TSPEAR: variants seen among roughly 807,000 people sequenced by gnomAD.
TSPEAR encodes the protein thrombospondin type laminin G domain and EAR repeats, also known as thrombospondin-type laminin G domain and EAR repeat-containing protein.
In TSPEAR, 69 loss-of-function variants were observed where a neutral mutation model predicts 71.6. The ratio of observed to expected loss-of-function variants is 0.96; its 90% CI spans 0.79 to 1.18. The LOEUF (loss-of-function observed/expected upper bound fraction) is 1.18. Among genes scored for constraint, TSPEAR ranks in the 50% most tolerant of loss-of-function variants. The pLI, the probability that TSPEAR is intolerant of heterozygous loss-of-function variation, is 0.00. For missense variants in TSPEAR, 971 were observed against 894.9 expected (o/e 1.09, Z -1.09); for synonymous variants, 402 against 387.2 (o/e 1.04, Z -0.45).
rs1555933793 is a variant in TSPEAR, at chr21:44,623,109, A to G, written c.83-55104T>C. 1.3e-5 allele frequency among the ~76,000 whole-genome samples: 2 copies of G among 152,208 alleles called. No individual in the cohort carries two copies. The highest frequency in any genetic ancestry group is 1.5e-5 in the Non-Finnish European group (1 of 68,040). On this transcript the variant is annotated intron_variant, in intron 1 of 11. Coordinates refer to ENST00000323084, the MANE Select transcript of TSPEAR (RefSeq NM_144991.3). This position sits in a 1 kb window ranked among gnomAD's most constrained non-coding sequence, Gnocchi z 4.5. ...GCCATGTTTCCTGTACAACCTGCAG[A>G]ACCATGAGCCAACTAAACTTTCGTC...
intron 2 of TSPEAR, among the ~76,000 whole-genome samples, chr21:44,567,373 T>C (rs2053717082): frequency 6.6e-6 from 1 of 152,212 alleles, no homozygotes; most frequent in East Asian, 1.9e-4. Context: ...CAAACATTAC[T>C]GTCTTCACCT....
At chr21:44,637,793 T>C (rs1555937324) in intron 1 of TSPEAR, 6 of 1,361,814 alleles carry the variant, frequency 4.4e-6, no homozygotes, top group South Asian at 1.4e-5. Flanking sequence ...TTCCCCTTCA[T>C]GCTGCCAGCA....
chr21:44,646,124 C>CAAA (rs55672014), intron 1 of TSPEAR, among the ~76,000 whole-genome samples: 3,039 of 31,178 alleles, frequency 0.097, 652 homozygotes, highest in Middle Eastern at 0.11. Context: ...GACTCCCTCT[C>CAAA]AAAAAAAAAA....
intron 8 of TSPEAR, among the ~76,000 whole-genome samples, chr21:44,522,942 TGTCA>T (rs1195679766): frequency 1.1e-4 from 17 of 152,384 alleles, no homozygotes; most frequent in African/African-American, 3.1e-4. Flanking sequence ...CTGCTTAGTC[TGTCA>T]GTCAGTCATT....
At position 44,702,285 on chromosome 21, in the gene TSPEAR, C is replaced by G. The variant is rs957219406; in HGVS notation, c.82+9148G>C. On this transcript the variant is annotated intron_variant, in intron 1 of 11. Coordinates refer to ENST00000323084, the MANE Select transcript of TSPEAR (RefSeq NM_144991.3). ...GCCCGGAGAGCTGCTGCGAGCCCCCCTGCTGCGCCGCCAGCTGCTGTGCCC... is the reference window on the plus strand; with the variant it reads ...GCCCGGAGAGCTGCTGCGAGCCCCCGTGCTGCGCCGCCAGCTGCTGTGCCC... The G allele has an allele frequency of 2.6e-5, 42 of 1,609,206 alleles. No individual in the cohort carries two copies. In the Admixed American group the frequency reaches 6.2e-4, roughly 24 times the overall value.
intron 1 of TSPEAR, among the ~76,000 whole-genome samples, chr21:44,590,787 C>T (rs1041237006): frequency 1.3e-5 from 2 of 151,994 alleles, no homozygotes; most frequent in South Asian, 4.1e-4. Flanking sequence ...CTGCCAGGGT[C>T]CACTTTGTCC....
At chr21:44,569,738 G>A (rs1372879403) in intron 1 of TSPEAR, among the ~76,000 whole-genome samples, 3 of 152,032 alleles carry the variant, frequency 2.0e-5, no homozygotes, top group African/African-American at 7.3e-5. Context: ...CACGACATAG[G>A]GACAGCAACA....
chr21:44,509,296 G>GC lies in TSPEAR; in HGVS notation c.1656dup (p.Gln553AlafsTer5). On this transcript the variant is annotated frameshift_variant, in exon 10 of 12. Transcript: ENST00000323084. LOFTEE classifies it high-confidence loss of function. ...ATGACATAGGAATCATTCTGGACTT[G>GC]CATCTCCACATCGTAGCTGTGACTG... 6.2e-7 allele frequency: 1 copy of GC among 1,614,006 alleles called. No individual in the cohort carries two copies. The highest frequency in any genetic ancestry group is 8.5e-7 in the Non-Finnish European group (1 of 1,179,978).
At chr21:44,647,535 CA>C in intron 1 of TSPEAR, 1 of 747,022 alleles carries the variant, frequency 1.3e-6, no homozygotes, top group Non-Finnish European at 2.2e-6. Context: ...AGACAACCCA[CA>C]AATCCCTCAG....
intron 11 of TSPEAR, among the ~76,000 whole-genome samples, chr21:44,503,250 G>T (rs587658485): frequency 6.9e-6 from 1 of 144,210 alleles, no homozygotes; most frequent in African/African-American, 2.6e-5. Context: ...GCCCACGGGG[G>T]GAAGCAGTGT....
At chr21:44,588,619 AC>A (rs1979498408) in intron 1 of TSPEAR, among the ~76,000 whole-genome samples, 2 of 150,842 alleles carry the variant, frequency 1.3e-5, no homozygotes, top group African/African-American at 4.9e-5. Context: ...AAAATGTGGA[AC>A]CAACCCAAAT....
chr21:44,522,690 G>T (rs2145962718), intron 8 of TSPEAR, among the ~76,000 whole-genome samples: 1 of 152,382 alleles, frequency 6.6e-6, no homozygotes, highest in South Asian at 2.1e-4. Flanking sequence ...GGCCTGGAAA[G>T]CAGGTGTCCC....
At chr21:44,553,321 C>T (rs1362847923) in intron 2 of TSPEAR, among the ~76,000 whole-genome samples, 2 of 152,152 alleles carry the variant, frequency 1.3e-5, no homozygotes, top group Non-Finnish European at 2.9e-5. Context: ...TCTACATTCT[C>T]AACCAGTGAG....
chr21:44,657,053 C>A (rs1985192450), intron 1 of TSPEAR, among the ~76,000 whole-genome samples: 1 of 152,064 alleles, frequency 6.6e-6, no homozygotes, highest in African/African-American at 2.4e-5. Context: ...TCCTGCCTCC[C>A]CTGGACATAC....
chr21:44,502,709 C>T (rs755369247), intron 11 of TSPEAR, among the ~76,000 whole-genome samples: 88 of 152,246 alleles, frequency 5.8e-4, no homozygotes, highest in Non-Finnish European at 1.1e-3. Context: ...GTGCAGCCAG[C>T]GCCGGGCCAT....
chr21:44,583,390 G>A (rs781811460), intron 1 of TSPEAR, among the ~76,000 whole-genome samples: 9 of 152,226 alleles, frequency 5.9e-5, no homozygotes, highest in East Asian at 1.9e-4. Flanking sequence ...CTCTGGAGAC[G>A]CGATGACAGC....
chr21:44,554,966 A>G (rs2053502300), intron 2 of TSPEAR, among the ~76,000 whole-genome samples: 2 of 152,206 alleles, frequency 1.3e-5, no homozygotes, highest in African/African-American at 4.8e-5. Context: ...TTGCGGTTCC[A>G]TTCCTCACTT....
chr21:44,654,563 G>A, intron 1 of TSPEAR: 1 of 1,608,014 alleles, frequency 6.2e-7, no homozygotes, highest in Non-Finnish European at 8.5e-7. Context: ...ACACAGCACG[G>A]GGAGCCAGGG....
At chr21:44,572,708 G>A (rs964089096) in intron 1 of TSPEAR, among the ~76,000 whole-genome samples, 2 of 151,870 alleles carry the variant, frequency 1.3e-5, no homozygotes, top group Non-Finnish European at 2.9e-5. Flanking sequence ...AGTCCTGACC[G>A]CTGGTACATG....
Sources: allele counts gnomAD v4.1 joint callset (sites outside exome capture counted in the v4.1 genomes callset), GRCh38; gene constraint gnomAD v4.1.1; non-coding constraint Gnocchi (gnomAD v3.1); transcripts MANE v1.5; gene names NCBI Gene and HGNC (gene_info 2026-07-23, HGNC 2026-07-21).